SPTB: variants seen among roughly 807,000 people sequenced by gnomAD.
SPTB encodes spectrin beta, erythrocytic, also known as spectrin beta chain, erythrocytic.
A neutral mutation model predicts 256.2 loss-of-function variants in SPTB; 45 were observed. That is an observed-to-expected ratio of 0.18 (90% CI 0.14 to 0.23). SPTB has a LOEUF of 0.23. SPTB is among the 10% of genes least tolerant of loss of function. The pLI, the probability that SPTB is intolerant of heterozygous loss-of-function variation, is 1.00. For missense variants in SPTB, 2,715 were observed against 3,040.4 expected (o/e 0.89, Z 2.52); for synonymous variants, 1,231 against 1,243.1 (o/e 0.99, Z 0.21).
intron 3 of SPTB, among the ~76,000 whole-genome samples, chr14:64,804,496 TG>T (rs2082946238): frequency 6.6e-6 from 1 of 152,230 alleles, no homozygotes; most frequent in Admixed American, 6.5e-5. Context: ...ACTTCTTCTT[TG>T]GGGTCAACAG....
intron 1 of SPTB, among the ~76,000 whole-genome samples, chr14:64,862,870 C>T (rs1332953828): frequency 2.8e-5 from 1 of 35,640 alleles, no homozygotes; most frequent in Non-Finnish European, 2.7e-4. Context: ...ACAACAATAA[C>T]AACAAAAAAA....
At chr14:64,752,116 C>CAAA in intron 33 of SPTB, 1 of 1,201,100 alleles carries the variant, frequency 8.3e-7, no homozygotes. Flanking sequence ...CAAAACAAAA[C>CAAA]ACAAAAAAAG....
Position 64,778,653 on chromosome 14 carries a change from A to G in SPTB, c.4563+504T>C, listed in dbSNP as rs2082406020. On this transcript the variant is annotated intron_variant, in intron 22 of 35. Transcript: ENST00000644917. This position sits in a 1 kb window ranked among gnomAD's most constrained non-coding sequence, Gnocchi z 5.2. ...CTCCAAGGGCTCAGAGTCCAAAGTT[A>G]GTGGCTTCCTAATGGAATTTGAGCC... Among the ~76,000 whole-genome samples, 1 of 152,316 alleles carries G rather than the reference A, an allele frequency of 6.6e-6. No individual in the cohort carries two copies. The highest frequency in any genetic ancestry group is 2.1e-4 in the South Asian group (1 of 4,828).
At chr14:64,750,769 T>G (rs1340247635) in intron 33 of SPTB, among the ~76,000 whole-genome samples, 1 of 149,682 alleles carries the variant, frequency 6.7e-6, no homozygotes, top group Non-Finnish European at 1.5e-5. Context: ...GAGACGAGAC[T>G]TAGTCTCAAA....
At chr14:64,754,225 C>T (rs1423604718) in intron 32 of SPTB, 4 of 314,498 alleles carry the variant, frequency 1.3e-5, no homozygotes, top group Admixed American at 8.5e-5. Flanking sequence ...AAGACAAGTT[C>T]GGCAACCACT....
chr14:64,773,529 G>T, intron 24 of SPTB, 105 bp from the exon 25 acceptor site: 1 of 1,212,048 alleles, frequency 8.3e-7, no homozygotes, highest in Non-Finnish European at 1.2e-6. Flanking sequence ...GGCAGGGATA[G>T]GTAGGGAGTG....
chr14:64,799,553 C>T (rs1174537768), intron 9 of SPTB, among the ~76,000 whole-genome samples, 194 bp downstream of exon 9: 1 of 152,216 alleles, frequency 6.6e-6, no homozygotes, highest in Non-Finnish European at 1.5e-5. Context: ...CTCATCAATG[C>T]TGGTTTCTCT....
At chr14:64,782,577 TCA>T (rs769875501) in intron 19 of SPTB, 24 bp from the exon 20 acceptor site, 1 of 1,612,542 alleles carries the variant, frequency 6.2e-7, no homozygotes, top group Non-Finnish European at 8.5e-7. Flanking sequence ...GGAGGAGAGC[TCA>T]CATTCTGGGC....
Position 64,826,132 on chromosome 14 carries a change from C to G in SPTB, c.-51-2987G>C, listed in dbSNP as rs1327412172. Among the ~76,000 whole-genome samples, 3 of 152,196 alleles carry G rather than the reference C, an allele frequency of 2.0e-5. No individual in the cohort carries two copies. Among genetic ancestry groups the G allele is most frequent in the African/African-American group, 7.2e-5 (3 of 41,426 alleles). ...TGCCCAGATGGCATTCCATCAGAGT[C>G]AAGGGGGTCATGGGATGGGCCAGTG... is the stretch of plus-strand genomic sequence containing the variant. On this transcript the variant is annotated intron_variant, in intron 1 of 35. Transcript: ENST00000644917. This position sits in a 1 kb window ranked among gnomAD's most constrained non-coding sequence, Gnocchi z 4.4.
intron 1 of SPTB, among the ~76,000 whole-genome samples, chr14:64,865,354 C>A (rs546709462): frequency 6.6e-6 from 1 of 151,706 alleles, no homozygotes; most frequent in South Asian, 2.1e-4. Context: ...AGGCACTCTA[C>A]GCTGGTAGAA....
rs966436491 is a variant in SPTB at position 64,792,793 on chromosome 14, C to T, written c.2666+204G>A. Among the ~76,000 whole-genome samples the T allele has an allele frequency of 6.6e-6, 1 of 152,174 alleles. No homozygotes were observed. The highest frequency in any genetic ancestry group is 1.5e-5 in the Non-Finnish European group (1 of 68,018). On this transcript the variant is annotated intron_variant, in intron 14 of 35. Coordinates refer to ENST00000644917, the MANE Select transcript of SPTB (RefSeq NM_001355436.2). The surrounding 1 kb of genome is among the most constrained non-coding windows in gnomAD (Gnocchi z 4.2). ...AGATAAATTCCCTTTGTTTGAGGAA[C>T]ACAAGGCCCCAAAGGGTGAAGTACC...
chr14:64,832,221 C>T (rs2083462599), intron 1 of SPTB, among the ~76,000 whole-genome samples: 1 of 152,248 alleles, frequency 6.6e-6, no homozygotes, highest in South Asian at 2.1e-4. Context: ...CTCCATGAAG[C>T]TATTCTTGCC....
rs775282320 is a variant in SPTB, at chr14:64,793,220, C to T, written c.2443G>A (p.Asp815Asn). ...AGCCGATGGGTCACATCTGGGGAAT[C>T]CCGAAACTCTTCGGGGAATCCCTGG... ...QAQGFPEEFR[D>N]SPDVTHRLQA... Residue 815 changes from aspartate (D) to asparagine (N), a missense_variant, in exon 14 of 36, where the codon GAT becomes AAT. Around this residue, in one of 4 missense-constraint regions of SPTB, gnomAD observed 2,239 missense variants for 2,384.4 expected, o/e 0.94. Coordinates refer to ENST00000644917, the MANE Select transcript of SPTB (RefSeq NM_001355436.2). The surrounding 1 kb of genome is among the most constrained non-coding windows in gnomAD (Gnocchi z 7.0). 2 of 1,611,574 alleles carry T rather than the reference C, an allele frequency of 1.2e-6. No homozygotes were observed. The highest frequency in any genetic ancestry group is 1.7e-5 in the Admixed American group (1 of 60,032).
intron 32 of SPTB, chr14:64,755,366 G>A (rs1466694408): frequency 6.6e-6 from 1 of 152,198 alleles, no homozygotes; most frequent in African/African-American, 2.4e-5. Context: ...TGGGAAGGGG[G>A]GCTCAATGGA....
At chr14:64,757,107 C>T (rs2082026235) in intron 32 of SPTB, 1 of 152,152 alleles carries the variant, frequency 6.6e-6, no homozygotes, top group African/African-American at 2.4e-5. Flanking sequence ...CACTGCTGCT[C>T]CTGCTACCAT....
intron 1 of SPTB, among the ~76,000 whole-genome samples, chr14:64,857,731 TTACTC>T (rs1334629855): frequency 6.6e-6 from 1 of 152,144 alleles, no homozygotes; most frequent in Non-Finnish European, 1.5e-5. Flanking sequence ...GTTTTATTAA[TTACTC>T]TATTTACTAT....
Position 64,802,335 on chromosome 14 carries a change from A to G in SPTB, c.475-18T>C, listed in dbSNP as rs766376176. Reference sequence around the variant, plus strand: ...TCCTGAATCTGAGGGTAGCAGAACAAGAGAGATTTGAAGAGGATGTGCATC... The same window carrying G: ...TCCTGAATCTGAGGGTAGCAGAACAGGAGAGATTTGAAGAGGATGTGCATC... On this transcript the variant is annotated intron_variant, in intron 4 of 35. Coordinates refer to ENST00000644917, the MANE Select transcript of SPTB (RefSeq NM_001355436.2). The surrounding 1 kb of genome is among the most constrained non-coding windows in gnomAD (Gnocchi z 5.1). The G allele has an allele frequency of 5.0e-6, 8 of 1,613,138 alleles. No homozygotes were observed. Among genetic ancestry groups the G allele is most frequent in the Non-Finnish European group, 6.8e-6 (8 of 1,179,378 alleles).
rs1173173108 is a variant in SPTB at position 64,763,917 on chromosome 14, A to C, written c.6345+2809T>G. The C allele has an allele frequency of 5.8e-6, 3 of 517,272 alleles. No individual in the cohort carries two copies. The Admixed American group carries it at 5.8e-5, about 10-fold the overall frequency. 32.0% of individuals were successfully genotyped at this position (517,272 alleles called of 1,614,324 possible). The stretch of plus-strand genomic sequence containing the variant: ...CGTGCACACACACGTGGGGAAGGGG[A>C]GGACTGGGGTGGGGTGCCACCCTGT... On this transcript the variant is annotated intron_variant, in intron 32 of 35. Coordinates refer to ENST00000644917, the MANE Select transcript of SPTB (RefSeq NM_001355436.2).
chr14:64,834,403 C>T (rs1326279426), intron 1 of SPTB, among the ~76,000 whole-genome samples: 2 of 151,236 alleles, frequency 1.3e-5, no homozygotes, highest in Non-Finnish European at 2.9e-5. Context: ...GCAACAGGGC[C>T]CAAACTCCTA....
Sources: allele counts gnomAD v4.1 joint callset (sites outside exome capture counted in the v4.1 genomes callset), GRCh38; gene constraint gnomAD v4.1.1; regional missense constraint gnomAD v4.1.1; non-coding constraint Gnocchi (gnomAD v3.1); transcripts MANE v1.5; gene names NCBI Gene and HGNC (gene_info 2026-07-23, HGNC 2026-07-21).